Variants in FSTL5 observed in about 807,000 individuals in gnomAD.
FSTL5 encodes the protein follistatin like 5, also known as follistatin-related protein 5.
A neutral mutation model predicts 89.1 loss-of-function variants in FSTL5; 62 were observed. That is an observed-to-expected ratio of 0.70 (90% CI 0.57 to 0.86). FSTL5 has a LOEUF of 0.86. Ranked by LOEUF, FSTL5 falls within the 40% of genes least tolerant of loss-of-function variation. FSTL5 has a pLI of 0.00. For synonymous variants in FSTL5, 383 were observed against 346.2 expected (o/e 1.11, Z -1.18); for missense variants, 1,057 against 1,001.6 (o/e 1.06, Z -0.75).
chr4:161,926,258 GC>G (rs1347525280), intron 3 of FSTL5, among the ~76,000 whole-genome samples: 8 of 151,972 alleles, frequency 5.3e-5, no homozygotes, highest in South Asian at 2.1e-4. Context: ...TGCCCAGTGT[GC>G]CACTACTGAA....
chr4:161,569,644 A>G (rs1227054909), intron 8 of FSTL5, among the ~76,000 whole-genome samples: 1 of 152,090 alleles, frequency 6.6e-6, no homozygotes, highest in African/African-American at 2.4e-5. Context: ...AAATGAAAGG[A>G]AAATAGAGGA....
rs908035460 is a variant in FSTL5 at position 161,886,559 on chromosome 4, T to C, written c.409+33845A>G. ...AAAGGCATTAGATAAACATCTGCCA[T>C]ATTTCTTCAATCATATTTGGATACA... On this transcript the variant is annotated intron_variant, in intron 4 of 15. Transcript: ENST00000306100. Among the ~76,000 whole-genome samples the C allele has an allele frequency of 4.6e-5, 7 of 152,204 alleles. No individual in the cohort carries two copies. In the East Asian group the frequency reaches 1.3e-3, roughly 29 times the overall value.
chr4:161,776,653 C>T (rs1489422370), intron 4 of FSTL5, among the ~76,000 whole-genome samples: 7 of 151,496 alleles, frequency 4.6e-5, no homozygotes, highest in Non-Finnish European at 1.0e-4. Flanking sequence ...GACATTCACA[C>T]ATATATATTT....
chr4:162,139,656 C>T (rs888549179), intron 1 of FSTL5, among the ~76,000 whole-genome samples: 4 of 152,058 alleles, frequency 2.6e-5, no homozygotes, highest in Non-Finnish European at 4.4e-5. Flanking sequence ...CTCTCTGACA[C>T]AAGGTATAAA....
chr4:161,723,378 CT>C (rs35117100), intron 6 of FSTL5, among the ~76,000 whole-genome samples: 1 of 152,152 alleles, frequency 6.6e-6, no homozygotes, highest in Non-Finnish European at 1.5e-5. Flanking sequence ...ACAACTTAGG[CT>C]TTTTAAAAAA....
intron 7 of FSTL5, among the ~76,000 whole-genome samples, chr4:161,627,889 C>A (rs1452200993): frequency 6.6e-6 from 1 of 152,014 alleles, no homozygotes; most frequent in African/African-American, 2.4e-5. Context: ...GTCATACAGA[C>A]ACAGACTTTG....
chr4:161,995,760 G>A (rs958694485), intron 3 of FSTL5, among the ~76,000 whole-genome samples: 2 of 148,480 alleles, frequency 1.3e-5, no homozygotes, highest in African/African-American at 5.0e-5. Flanking sequence ...CTATTAACAT[G>A]TAATGAGTTT....
chr4:161,484,625 G>T (rs1430188121), intron 12 of FSTL5, among the ~76,000 whole-genome samples: 1 of 151,966 alleles, frequency 6.6e-6, no homozygotes, highest in Non-Finnish European at 1.5e-5. Context: ...CTTCACATTG[G>T]CTTTCATGAC....
Position 161,539,983 on chromosome 4 carries a change from C to A in FSTL5, c.1178-1683G>T, listed in dbSNP as rs1284491485. On this transcript the variant is annotated intron_variant, in intron 9 of 15. Coordinates refer to ENST00000306100, the MANE Select transcript of FSTL5 (RefSeq NM_020116.5). The stretch of plus-strand genomic sequence containing the variant: ...TTGTTTTGAAATACCAAATAAATTT[C>A]TTCCTTCTTTAAATGCTGTCTCCCA... 4.9e-5 allele frequency among the ~76,000 whole-genome samples: 7 copies of A among 143,766 alleles called. No individual in the cohort carries two copies. The East Asian group carries it at 1.4e-3, about 30-fold the overall frequency. The allele number at this position is 143,766 out of a possible 152,430, so 94.3% of individuals were successfully genotyped here.
intron 3 of FSTL5, among the ~76,000 whole-genome samples, chr4:161,968,141 A>G (rs544717053): frequency 6.6e-6 from 1 of 151,992 alleles, no homozygotes; most frequent in Non-Finnish European, 1.5e-5. Flanking sequence ...TAATCAGTTT[A>G]TTTTGCCACA....
chr4:161,898,418 GA>G (rs1733239630), intron 4 of FSTL5, among the ~76,000 whole-genome samples: 1 of 151,610 alleles, frequency 6.6e-6, no homozygotes, highest in African/African-American at 2.4e-5. Context: ...AAACTGGAAG[GA>G]AAAATGATAT....
chr4:161,781,611 A>G lies in FSTL5; in HGVS notation c.410-5537T>C, dbSNP rs543983824. 1.7e-4 allele frequency among the ~76,000 whole-genome samples: 26 copies of G among 152,292 alleles called. No individual in the cohort carries two copies. In the South Asian group the frequency reaches 3.5e-3, roughly 21 times the overall value. On this transcript the variant is annotated intron_variant, in intron 4 of 15. Transcript: ENST00000306100. Reference sequence around the variant, plus strand: ...TTGGTTTTTAGTGTTTTAGGCTTACAAAATTGACCAGAACTTATAGAGTTC... The same window carrying G: ...TTGGTTTTTAGTGTTTTAGGCTTACGAAATTGACCAGAACTTATAGAGTTC...
intron 5 of FSTL5, among the ~76,000 whole-genome samples, chr4:161,774,752 T>C (rs1364563691): frequency 1.4e-5 from 2 of 140,944 alleles, no homozygotes; most frequent in Non-Finnish European, 3.0e-5. Flanking sequence ...GAAATTTATT[T>C]TAATTTAATT....
intron 3 of FSTL5, among the ~76,000 whole-genome samples, chr4:161,943,731 AT>A (rs1734659224): frequency 6.6e-6 from 1 of 150,634 alleles, no homozygotes; most frequent in Non-Finnish European, 1.5e-5. Flanking sequence ...AATTTTTTGT[AT>A]TTTTAGTAGA....
Position 162,043,687 on chromosome 4 carries a change from T to C in FSTL5, c.127-10029A>G, listed in dbSNP as rs568746452. Among the ~76,000 whole-genome samples, 51 of 152,322 alleles carry C rather than the reference T, an allele frequency of 3.3e-4. 1 individual carries two copies. The South Asian group carries it at 0.01, about 31-fold the overall frequency. On this transcript the variant is annotated intron_variant, in intron 2 of 15. Transcript: ENST00000306100. ...GATTTCATCTAGAGTAGGACTTCTT[T>C]CAAAATTAGTCAATTCTCTCAAAGC...
At chr4:161,433,535 A>G (rs903165501) in intron 15 of FSTL5, among the ~76,000 whole-genome samples, 1 of 152,128 alleles carries the variant, frequency 6.6e-6, no homozygotes, top group African/African-American at 2.4e-5. Flanking sequence ...CTGTTATTCA[A>G]TACAGTACTA....
intron 3 of FSTL5, among the ~76,000 whole-genome samples, chr4:162,013,797 C>CTTT (rs111692343): frequency 6.9e-6 from 1 of 144,568 alleles, no homozygotes; most frequent in African/African-American, 2.5e-5. Flanking sequence ...TGTATGGTGA[C>CTTT]TTTTTTTTTT....
At chr4:162,125,503 C>T (rs1200195931) in intron 1 of FSTL5, among the ~76,000 whole-genome samples, 1 of 151,998 alleles carries the variant, frequency 6.6e-6, no homozygotes, top group African/African-American at 2.4e-5. Flanking sequence ...TTACCTGTAT[C>T]TGTGGTTATG....
At chr4:161,570,787 C>A (rs1012089512) in intron 8 of FSTL5, among the ~76,000 whole-genome samples, 1 of 152,088 alleles carries the variant, frequency 6.6e-6, no homozygotes, top group Non-Finnish European at 1.5e-5. Context: ...ATGCTCTGGA[C>A]CTAAAAGGAT....
Sources: allele counts gnomAD v4.1 joint callset (sites outside exome capture counted in the v4.1 genomes callset), GRCh38; gene constraint gnomAD v4.1.1; transcripts MANE v1.5; gene names NCBI Gene and HGNC (gene_info 2026-07-23, HGNC 2026-07-21).